Variants in DDAH1 observed in about 807,000 individuals in gnomAD.
DDAH1 encodes dimethylarginine dimethylaminohydrolase 1.
Under a neutral mutation model 28.8 loss-of-function variants are expected in DDAH1, and 19 were observed. That is an observed-to-expected ratio of 0.66 (90% CI 0.46 to 0.97). The LOEUF (loss-of-function observed/expected upper bound fraction) is 0.97. DDAH1 is among the 50% of genes least tolerant of loss of function. The pLI is 0.00. For missense variants in DDAH1, 326 were observed against 375.9 expected, an observed-to-expected ratio of 0.87 and a Z score of 1.10; for synonymous variants, 153 against 154.4, an observed-to-expected ratio of 0.99 and a Z score of 0.07.
At chr1:85,343,418 T>TAAAC (rs1484789484) in intron 4 of DDAH1, among the ~76,000 whole-genome samples, 9 of 152,228 alleles carry the variant, frequency 5.9e-5, no homozygotes, top group East Asian at 3.8e-4. Flanking sequence ...AAAAGGAGCA[T>TAAAC]AAACAGTTGT....
intron 1 of DDAH1, among the ~76,000 whole-genome samples, chr1:85,550,014 G>T (rs777562019): frequency 1.3e-5 from 2 of 152,268 alleles, no homozygotes; most frequent in East Asian, 3.9e-4. Context: ...TTAAAATGGT[G>T]ACTAAATGTA....
intron 1 of DDAH1, among the ~76,000 whole-genome samples, chr1:85,362,723 AT>A (rs1339557682): frequency 6.6e-6 from 1 of 152,222 alleles, no homozygotes; most frequent in African/African-American, 2.4e-5. Context: ...AAATAAGATA[AT>A]ACATGTAAAA....
chr1:85,473,494 C>T (rs10157640), intron 2 of DDAH1, among the ~76,000 whole-genome samples: 55,948 of 151,886 alleles, frequency 0.37, 10,189 homozygotes, highest in Middle Eastern at 0.42. Context: ...TGTACACACA[C>T]ACACACGCAC....
intron 1 of DDAH1, among the ~76,000 whole-genome samples, chr1:85,431,489 A>G (rs1026803115): frequency 5.4e-5 from 8 of 146,840 alleles, no homozygotes; most frequent in Non-Finnish European, 6.2e-5. Context: ...TCCTTAAGCT[A>G]GAATCCTCCT....
At chr1:85,459,217 A>C (rs1256247224) in intron 1 of DDAH1, among the ~76,000 whole-genome samples, 1 of 152,274 alleles carries the variant, frequency 6.6e-6, no homozygotes, top group Non-Finnish European at 1.5e-5. Flanking sequence ...CTTAATAAGA[A>C]TTCAAATACA....
chr1:85,486,065 G>A (rs910954327), intron 2 of DDAH1, among the ~76,000 whole-genome samples: 1 of 152,190 alleles, frequency 6.6e-6, no homozygotes, highest in African/African-American at 2.4e-5. Flanking sequence ...AAGTGGTTGA[G>A]TTTGCCCTGC....
chr1:85,334,530 C>T (rs1303344345), intron 4 of DDAH1, among the ~76,000 whole-genome samples: 1 of 152,118 alleles, frequency 6.6e-6, no homozygotes, highest in Non-Finnish European at 1.5e-5. Context: ...GCAGATTTCC[C>T]CCTTACTGTT....
intron 1 of DDAH1, among the ~76,000 whole-genome samples, chr1:85,508,700 A>G (rs373173216): frequency 7.9e-5 from 12 of 152,368 alleles, no homozygotes; most frequent in East Asian, 1.9e-4. Context: ...TCCCACACCC[A>G]TGGATCCTTG....
At chr1:85,565,952 G>A (rs774560098) in intron 1 of DDAH1, among the ~76,000 whole-genome samples, 18 of 151,494 alleles carry the variant, frequency 1.2e-4, no homozygotes, top group East Asian at 7.8e-4. Flanking sequence ...GTGGTGGCAC[G>A]CGCCTGTTAT....
At chr1:85,363,325 T>C (rs1215325376) in intron 1 of DDAH1, among the ~76,000 whole-genome samples, 2 of 152,246 alleles carry the variant, frequency 1.3e-5, no homozygotes, top group African/African-American at 2.4e-5. Context: ...AGTTGGCCTG[T>C]CTGTGGCTGA....
At chr1:85,465,249 C>G, upstream of DDAH1, 1 of 1,088,878 alleles carries the variant, frequency 9.2e-7, no homozygotes, top group Non-Finnish European at 1.1e-6. Context: ...GCGCATCCCG[C>G]GCGCCCACTC....
At chr1:85,454,364 C>G (rs949929614) in intron 1 of DDAH1, among the ~76,000 whole-genome samples, 4 of 152,144 alleles carry the variant, frequency 2.6e-5, no homozygotes, top group Non-Finnish European at 5.9e-5. Flanking sequence ...GGGGTCCAAA[C>G]AGTCAGGAAA....
intron 1 of DDAH1, among the ~76,000 whole-genome samples, chr1:85,403,921 G>C (rs897570568): frequency 6.6e-6 from 1 of 152,080 alleles, no homozygotes; most frequent in Non-Finnish European, 1.5e-5. Context: ...ACTTACAAAT[G>C]GATACATGTT....
At chr1:85,350,763 T>C (rs1246625004) in intron 3 of DDAH1, among the ~76,000 whole-genome samples, 1 of 152,136 alleles carries the variant, frequency 6.6e-6, no homozygotes, top group Non-Finnish European at 1.5e-5. Context: ...TTGCTGGCTG[T>C]TTGATCTATG....
chr1:85,443,245 G>A (rs1351600842), intron 1 of DDAH1, among the ~76,000 whole-genome samples: 1 of 152,092 alleles, frequency 6.6e-6, no homozygotes, highest in Non-Finnish European at 1.5e-5. Flanking sequence ...TTCTACATAT[G>A]GCTAGTCAGT....
chr1:85,382,237 C>T (rs1651029582), intron 1 of DDAH1, among the ~76,000 whole-genome samples: 2 of 152,150 alleles, frequency 1.3e-5, no homozygotes, highest in Non-Finnish European at 2.9e-5. Context: ...AGTAAAACAG[C>T]CTTATTGATG....
chr1:85,538,871 G>C (rs1473624370), intron 1 of DDAH1, among the ~76,000 whole-genome samples: 1 of 152,154 alleles, frequency 6.6e-6, no homozygotes, highest in African/African-American at 2.4e-5. Flanking sequence ...CTGTTGGCCA[G>C]CTTTTCTTTT....
At position 85,464,335 on chromosome 1, in the gene DDAH1, C is replaced by T. The variant is rs183375589; in HGVS notation, c.303+408G>A. Reference sequence around the variant, plus strand: ...TTGGGGGCTTCGGTGTCACGACTGGCGCTGCCCCCTGGAGGGACGCCCAGC... The same window carrying T: ...TTGGGGGCTTCGGTGTCACGACTGGTGCTGCCCCCTGGAGGGACGCCCAGC... On this transcript the variant is annotated intron_variant, in intron 1 of 5. Transcript: ENST00000284031. This position sits in a 1 kb window ranked among gnomAD's most constrained non-coding sequence, Gnocchi z 4.4. Among the ~76,000 whole-genome samples the T allele has an allele frequency of 5.9e-5, 9 of 152,300 alleles. No individual in the cohort carries two copies. The East Asian group carries it at 1.7e-3, about 30-fold the overall frequency.
intron 1 of DDAH1, among the ~76,000 whole-genome samples, chr1:85,422,299 C>T (rs1476739474): frequency 3.9e-5 from 6 of 152,116 alleles, no homozygotes; most frequent in African/African-American, 7.2e-5. Context: ...ATTTTGGATA[C>T]AACTCCTCTA....
Sources: allele counts gnomAD v4.1 joint callset (sites outside exome capture counted in the v4.1 genomes callset), GRCh38; gene constraint gnomAD v4.1.1; non-coding constraint Gnocchi (gnomAD v3.1); transcripts MANE v1.5; gene names NCBI Gene and HGNC (gene_info 2026-07-23, HGNC 2026-07-21).